Variants in CAPZB observed in about 807,000 individuals in gnomAD.
The protein encoded by CAPZB is F-actin-capping protein subunit beta.
CAPZB carries 2 observed loss-of-function variants against 38.1 expected under a neutral mutation model. The ratio of observed to expected loss-of-function variants is 0.05; its 90% confidence interval spans 0.02 to 0.17. The LOEUF (loss-of-function observed/expected upper bound fraction) is 0.17, where lower values mean the gene tolerates loss of function less well. Among genes scored for constraint, CAPZB ranks in the 10% least tolerant of loss-of-function variants. The pLI is 1.00. For missense variants in CAPZB, 161 were observed against 334.2 expected, an observed-to-expected ratio of 0.48 and a Z score of 4.04; for synonymous variants, 107 against 127.4, an observed-to-expected ratio of 0.84 and a Z score of 1.08.
intron 1 of CAPZB, among the ~76,000 whole-genome samples, chr1:19,451,095 T>C (rs74909371): frequency 2.5e-4 from 38 of 152,330 alleles, no homozygotes; most frequent in African/African-American, 5.5e-4. Context: ...CAAACTGATA[T>C]GCGCCAAATC....
intron 2 of CAPZB, among the ~76,000 whole-genome samples, chr1:19,387,804 C>G (rs2094211965): frequency 6.6e-6 from 1 of 152,208 alleles, no homozygotes; most frequent in East Asian, 1.9e-4. Context: ...TGCCCATGCC[C>G]ATGTGATTTT....
chr1:19,436,747 T>C (rs989115248), intron 1 of CAPZB, among the ~76,000 whole-genome samples: 3 of 152,252 alleles, frequency 2.0e-5, no homozygotes, highest in Non-Finnish European at 4.4e-5. Flanking sequence ...ATTCAGCATC[T>C]GGCACATACC....
intron 7 of CAPZB, among the ~76,000 whole-genome samples, chr1:19,344,765 G>C (rs2093951569): frequency 6.6e-6 from 1 of 152,186 alleles, no homozygotes; most frequent in South Asian, 2.1e-4. Context: ...TGAAACCCGA[G>C]AGCACCTCCC....
intron 6 of CAPZB, among the ~76,000 whole-genome samples, chr1:19,347,617 A>G (rs2093968986): frequency 6.6e-6 from 1 of 152,176 alleles, no homozygotes; most frequent in South Asian, 2.1e-4. Context: ...CCCTTGGTCA[A>G]CTTGTTTGTC....
At chr1:19,444,338 C>A (rs2094489365) in intron 1 of CAPZB, among the ~76,000 whole-genome samples, 1 of 152,164 alleles carries the variant, frequency 6.6e-6, no homozygotes, top group Non-Finnish European at 1.5e-5. Context: ...GTCTCAGACA[C>A]CCAGCTGCCA....
intron 1 of CAPZB, among the ~76,000 whole-genome samples, chr1:19,463,445 A>G (rs2094558718): frequency 6.6e-6 from 1 of 152,234 alleles, no homozygotes; most frequent in Non-Finnish European, 1.5e-5. Flanking sequence ...ATTTCTTAGA[A>G]GTCAGTAAAC....
chr1:19,437,521 T>C (rs1325632597), intron 1 of CAPZB, among the ~76,000 whole-genome samples: 1 of 152,188 alleles, frequency 6.6e-6, no homozygotes, highest in East Asian at 1.9e-4. Context: ...GTCTTGTCAA[T>C]ACAGAATGCT....
chr1:19,359,561 G>A (rs752829620), intron 4 of CAPZB, among the ~76,000 whole-genome samples: 4 of 152,178 alleles, frequency 2.6e-5, no homozygotes, highest in Non-Finnish European at 4.4e-5. Flanking sequence ...CTCTCAAACC[G>A]AGTACACCAT....
chr1:19,436,282 C>A (rs541533404), intron 1 of CAPZB, among the ~76,000 whole-genome samples: 3 of 152,338 alleles, frequency 2.0e-5, no homozygotes, highest in South Asian at 4.1e-4. Flanking sequence ...CGTATCCACA[C>A]TGTACAAGCT....
At chr1:19,417,479 T>C (rs1378247572) in intron 2 of CAPZB, among the ~76,000 whole-genome samples, 1 of 152,112 alleles carries the variant, frequency 6.6e-6, no homozygotes, top group Non-Finnish European at 1.5e-5. Flanking sequence ...GGATCAATCA[T>C]AGATTTCTGA....
chr1:19,439,434 C>T (rs562689173), intron 1 of CAPZB, among the ~76,000 whole-genome samples: 1 of 152,164 alleles, frequency 6.6e-6, no homozygotes, highest in African/African-American at 2.4e-5. Context: ...GTTTCAGTGG[C>T]CTTGGAGTCC....
At chr1:19,365,839 AG>A (rs111881430) in intron 4 of CAPZB, among the ~76,000 whole-genome samples, 17,749 of 150,396 alleles carry the variant, frequency 0.12, 2,302 homozygotes, top group African/African-American at 0.32. Context: ...CGTCTCAAAA[AG>A]AAAAAAAGAA....
intron 3 of CAPZB, among the ~76,000 whole-genome samples, chr1:19,384,979 G>C (rs1363333669): frequency 6.6e-6 from 1 of 152,122 alleles, no homozygotes; most frequent in Non-Finnish European, 1.5e-5. Context: ...TAGACCTGGT[G>C]ATCAGACACC....
rs566031747 is a variant in CAPZB at position 19,389,293 on chromosome 1, G to C, written c.94-3667C>G. The stretch of plus-strand genomic sequence containing the variant: ...TTCACCACTCCCTGAACATGCACGT[G>C]CATTCCCCCACTTAAACATCTTCCC... On this transcript the variant is annotated intron_variant, in intron 2 of 8. Coordinates refer to ENST00000264202, the MANE Select transcript of CAPZB (RefSeq NM_004930.5). Among the ~76,000 whole-genome samples the C allele has an allele frequency of 7.2e-5, 11 of 152,222 alleles. No homozygotes were observed. In the East Asian group the frequency reaches 2.1e-3, roughly 29 times the overall value.
At chr1:19,378,875 C>A (rs1458416528) in intron 3 of CAPZB, among the ~76,000 whole-genome samples, 5 of 152,196 alleles carry the variant, frequency 3.3e-5, no homozygotes, top group African/African-American at 1.2e-4. Flanking sequence ...CTCCACCTCT[C>A]ACTGGCTGTG....
intron 1 of CAPZB, among the ~76,000 whole-genome samples, chr1:19,463,989 AC>A (rs747168738): frequency 6.7e-6 from 1 of 150,180 alleles, no homozygotes; most frequent in Non-Finnish European, 1.5e-5. Context: ...AGCCGGGCCA[AC>A]ATGGTGAACC....
intron 1 of CAPZB, among the ~76,000 whole-genome samples, chr1:19,476,051 G>T (rs1180048524): frequency 1.3e-5 from 2 of 152,124 alleles, no homozygotes; most frequent in Non-Finnish European, 2.9e-5. Flanking sequence ...GGCCAGGCAT[G>T]GTGGCTTCAC....
intron 6 of CAPZB, among the ~76,000 whole-genome samples, chr1:19,350,611 A>AAAAGTT (rs11283310): frequency 0.74 from 112,391 of 151,586 alleles, 42,011 homozygotes; most frequent in African/African-American, 0.84. Context: ...TAGTAGCAGT[A>AAAAGTT]ATTGTTTTTA....
At chr1:19,405,808 C>T (rs1002291852) in intron 2 of CAPZB, among the ~76,000 whole-genome samples, 1 of 152,228 alleles carries the variant, frequency 6.6e-6, no homozygotes, top group Non-Finnish European at 1.5e-5. Flanking sequence ...GCACTCCCGC[C>T]GCCACCATCT....
Sources: allele counts gnomAD v4.1 joint callset (sites outside exome capture counted in the v4.1 genomes callset), GRCh38; gene constraint gnomAD v4.1.1; transcripts MANE v1.5; gene names NCBI Gene and HGNC (gene_info 2026-07-23, HGNC 2026-07-21).